HS6ST3: variants seen among roughly 807,000 people sequenced by gnomAD.
HS6ST3 encodes heparan-sulfate 6-O-sulfotransferase 3.
A neutral mutation model predicts 36.7 loss-of-function variants in HS6ST3; 12 were observed. That is an observed-to-expected ratio of 0.33 (90% CI 0.21 to 0.53). The LOEUF (loss-of-function observed/expected upper bound fraction) is 0.53, where lower values mean the gene tolerates loss of function less well. Ranked by LOEUF, HS6ST3 falls within the 20% of genes least tolerant of loss-of-function variation. The pLI, the probability that HS6ST3 is intolerant of heterozygous loss-of-function variation, is 0.95. For synonymous variants in HS6ST3, 240 were observed against 257.5 expected (o/e 0.93, Z 0.65); for missense variants, 584 against 640.9 (o/e 0.91, Z 0.96).
intron 1 of HS6ST3, among the ~76,000 whole-genome samples, chr13:96,222,841 TAG>T (rs1178015479): frequency 8.5e-5 from 13 of 152,366 alleles, no homozygotes; most frequent in African/African-American, 2.9e-4. Flanking sequence ...CTTTAGCTCA[TAG>T]AGTTTCAAGT....
chr13:96,511,704 C>T (rs969713035), intron 1 of HS6ST3, among the ~76,000 whole-genome samples: 2 of 151,520 alleles, frequency 1.3e-5, no homozygotes, highest in African/African-American at 4.9e-5. Context: ...CACTTGGTGT[C>T]CTTAGGTGAA....
chr13:96,497,234 A>T (rs1339065779), intron 1 of HS6ST3, among the ~76,000 whole-genome samples: 1 of 152,114 alleles, frequency 6.6e-6, no homozygotes, highest in African/African-American at 2.4e-5. Flanking sequence ...GATCAATCTC[A>T]GGCCTCGCCG....
intron 1 of HS6ST3, among the ~76,000 whole-genome samples, chr13:96,430,265 C>T (rs905532331): frequency 3.3e-5 from 5 of 152,154 alleles, no homozygotes; most frequent in African/African-American, 9.7e-5. Flanking sequence ...GCCTACATCT[C>T]GTAGGTTTCA....
chr13:96,325,019 G>A (rs1227146489), intron 1 of HS6ST3, among the ~76,000 whole-genome samples: 1 of 152,162 alleles, frequency 6.6e-6, no homozygotes, highest in Non-Finnish European at 1.5e-5. Flanking sequence ...AAATCGCAGA[G>A]CTTTAGATTT....
intron 1 of HS6ST3, among the ~76,000 whole-genome samples, chr13:96,706,910 A>G (rs763472990): frequency 6.6e-6 from 1 of 152,170 alleles, no homozygotes; most frequent in African/African-American, 2.4e-5. Context: ...TAACAGCAGT[A>G]CTCAAACCTG....
At chr13:96,667,974 C>A (rs2056669683) in intron 1 of HS6ST3, among the ~76,000 whole-genome samples, 1 of 152,180 alleles carries the variant, frequency 6.6e-6, no homozygotes, top group African/African-American at 2.4e-5. Flanking sequence ...ATTTCCAAAG[C>A]ACCTACTGTT....
intron 1 of HS6ST3, among the ~76,000 whole-genome samples, chr13:96,554,154 G>T (rs2056230744): frequency 6.6e-6 from 1 of 152,138 alleles, no homozygotes. Context: ...AAGAAGAGAG[G>T]TCAGAACCTT....
chr13:96,485,862 C>T (rs1486576780), intron 1 of HS6ST3, among the ~76,000 whole-genome samples: 1 of 151,766 alleles, frequency 6.6e-6, no homozygotes, highest in African/African-American at 2.4e-5. Flanking sequence ...AGAAATATAT[C>T]AATTTCTTTT....
intron 1 of HS6ST3, among the ~76,000 whole-genome samples, chr13:96,140,463 T>C (rs966397013): frequency 6.6e-6 from 1 of 152,144 alleles, no homozygotes; most frequent in African/African-American, 2.4e-5. Context: ...TAGTGCAACA[T>C]TGTAAACCTT....
At chr13:96,829,014 G>A (rs894907662) in intron 1 of HS6ST3, among the ~76,000 whole-genome samples, 1 of 152,200 alleles carries the variant, frequency 6.6e-6, no homozygotes, top group Non-Finnish European at 1.5e-5. Context: ...AATTAGGAAT[G>A]TGTTCTTTTC....
At chr13:96,358,369 G>C (rs1328984462) in intron 1 of HS6ST3, among the ~76,000 whole-genome samples, 1 of 152,116 alleles carries the variant, frequency 6.6e-6, no homozygotes. Flanking sequence ...CTTGGTAGTG[G>C]AACAATCTTG....
chr13:96,175,434 T>C (rs2054207847), intron 1 of HS6ST3, among the ~76,000 whole-genome samples: 1 of 152,092 alleles, frequency 6.6e-6, no homozygotes, highest in Non-Finnish European at 1.5e-5. Context: ...CTGGGTCAGG[T>C]TGGATTTCTG....
At chr13:96,397,556 C>T (rs2055428405) in intron 1 of HS6ST3, among the ~76,000 whole-genome samples, 1 of 152,204 alleles carries the variant, frequency 6.6e-6, no homozygotes, top group Non-Finnish European at 1.5e-5. Context: ...TTTATTGCTT[C>T]TCCTACAGAA....
intron 1 of HS6ST3, among the ~76,000 whole-genome samples, chr13:96,279,451 A>G (rs1489297718): frequency 2.0e-5 from 3 of 152,222 alleles, no homozygotes; most frequent in African/African-American, 7.2e-5. Flanking sequence ...AAATAGCTAT[A>G]TAAATTATAA....
At chr13:96,511,534 A>G (rs1459500156) in intron 1 of HS6ST3, among the ~76,000 whole-genome samples, 3 of 151,888 alleles carry the variant, frequency 2.0e-5, no homozygotes, top group South Asian at 4.2e-4. Flanking sequence ...TTCTTCCTTC[A>G]TTGAATTGCC....
chr13:96,538,892 C>A, intron 1 of HS6ST3, among the ~76,000 whole-genome samples: 1 of 152,152 alleles, frequency 6.6e-6, no homozygotes, highest in East Asian at 1.9e-4. Context: ...GGGTAGGTTA[C>A]AAAAGACTTG....
intron 1 of HS6ST3, among the ~76,000 whole-genome samples, chr13:96,776,874 C>T (rs1379962637): frequency 1.3e-5 from 2 of 152,082 alleles, no homozygotes; most frequent in Non-Finnish European, 2.9e-5. Flanking sequence ...AAAAACCTGG[C>T]AGAGTCACAA....
At chr13:96,826,820 C>T (rs1011347186) in intron 1 of HS6ST3, among the ~76,000 whole-genome samples, 1 of 152,118 alleles carries the variant, frequency 6.6e-6, no homozygotes, top group Non-Finnish European at 1.5e-5. Flanking sequence ...TTCAAGTAAG[C>T]CTTGATGGCC....
chr13:96,496,034 G>A (rs2055973728), intron 1 of HS6ST3, among the ~76,000 whole-genome samples: 1 of 152,180 alleles, frequency 6.6e-6, no homozygotes, highest in Non-Finnish European at 1.5e-5. Context: ...CCCCAGGCCT[G>A]TCTTGCTGTT....
Sources: gnomAD v4.1 joint callset for allele counts (sites outside exome capture counted in the v4.1 genomes callset) on GRCh38, gnomAD v4.1.1 for gene constraint, MANE v1.5 for transcripts, NCBI Gene and HGNC (gene_info 2026-07-23, HGNC 2026-07-21) for gene names.